JAZF1: variants seen among roughly 807,000 people sequenced by gnomAD.
JAZF1 encodes the protein juxtaposed with another zinc finger protein 1.
In JAZF1, 8 loss-of-function variants were observed where a neutral mutation model predicts 26.4. That is an observed-to-expected ratio of 0.30 (90% CI 0.18 to 0.55). JAZF1 has a LOEUF of 0.55. JAZF1 is among the 20% of genes least tolerant of loss of function. JAZF1 has a pLI of 0.94. For missense variants in JAZF1, 199 were observed against 322.0 expected, an observed-to-expected ratio of 0.62 and a Z score of 2.92; for synonymous variants, 126 against 122.3, an observed-to-expected ratio of 1.03 and a Z score of -0.20.
At chr7:28,140,729 A>G (rs1362759182) in intron 1 of JAZF1, among the ~76,000 whole-genome samples, 6 of 152,250 alleles carry the variant, frequency 3.9e-5, no homozygotes, top group African/African-American at 1.2e-4. Flanking sequence ...TAACCTCACA[A>G]CATTTATGCA....
intron 3 of JAZF1, among the ~76,000 whole-genome samples, chr7:27,880,106 CT>C (rs1783743948): frequency 6.6e-6 from 1 of 152,162 alleles, no homozygotes. Context: ...GTTTACCCTC[CT>C]TGCTTGACAG....
At chr7:27,908,599 T>G (rs1438233283) in intron 2 of JAZF1, among the ~76,000 whole-genome samples, 1 of 152,228 alleles carries the variant, frequency 6.6e-6, no homozygotes, top group African/African-American at 2.4e-5. Flanking sequence ...AGAATGGAGT[T>G]GCTCAGGCTA....
chr7:28,084,229 G>C (rs1784180102), intron 1 of JAZF1, among the ~76,000 whole-genome samples: 1 of 152,172 alleles, frequency 6.6e-6, no homozygotes, highest in Non-Finnish European at 1.5e-5. Flanking sequence ...CAGTATCATT[G>C]TGGGTTTAAC....
intron 1 of JAZF1, among the ~76,000 whole-genome samples, chr7:28,176,399 G>T (rs1434031846): frequency 6.6e-6 from 1 of 152,178 alleles, no homozygotes; most frequent in Non-Finnish European, 1.5e-5. Context: ...ATGTCCTCAT[G>T]ACTAACTCTC....
chr7:28,159,699 G>A (rs900885238), intron 1 of JAZF1, among the ~76,000 whole-genome samples: 10 of 152,114 alleles, frequency 6.6e-5, no homozygotes, highest in Non-Finnish European at 2.9e-5. Context: ...ACTGGGAGAT[G>A]GGGCTTCAGT....
rs575017836 is a variant in JAZF1 at position 28,180,551 on chromosome 7, G to A, written c.27C>T (p.Phe9=). 6.2e-7 allele frequency: 1 copy of A among 1,610,366 alleles called. No homozygotes were observed. The highest frequency in any genetic ancestry group is 2.2e-5 in the East Asian group (1 of 44,622). ...CCCCGAATCGGCAGGTATTGGAGAAGAAGGAGGCGGCGGCGATGCCTGTCA... is the reference window on the plus strand; with the variant it reads ...CCCCGAATCGGCAGGTATTGGAGAAAAAGGAGGCGGCGGCGATGCCTGTCA... MTGIAAAS[F]FSNTCRFGGC... Residue 9 remains phenylalanine (F), a synonymous_variant, in exon 1 of 5, where the codon TTC becomes TTT. Coordinates refer to ENST00000283928, the MANE Select transcript of JAZF1 (RefSeq NM_175061.4).
intron 1 of JAZF1, among the ~76,000 whole-genome samples, chr7:28,000,622 C>CTTT (rs1190147547): frequency 0.046 from 2,847 of 61,844 alleles, 142 homozygotes; most frequent in African/African-American, 0.11. Context: ...TTCTTTCTTT[C>CTTT]TTTTTTTTTT....
chr7:27,870,534 T>C (rs965661467), intron 3 of JAZF1, among the ~76,000 whole-genome samples: 1 of 152,118 alleles, frequency 6.6e-6, no homozygotes, highest in Admixed American at 6.5e-5. Context: ...CACTGTGTCA[T>C]AGAATAATAA....
intron 2 of JAZF1, among the ~76,000 whole-genome samples, chr7:27,921,697 T>C (rs1308041091): frequency 3.9e-5 from 6 of 152,100 alleles, no homozygotes; most frequent in Non-Finnish European, 8.8e-5. Flanking sequence ...ATTCTTAAAA[T>C]AATCCATGAA....
chr7:27,840,562 C>CGCA lies in JAZF1; in HGVS notation c.555+133_555+135dup. ...TGTGTGCACACAGGGGTGAGGCCCA[C>CGCA]GCACTCTAATGCAGGAGAGGGGAGT... On this transcript the variant is annotated intron_variant, in intron 4 of 4. Coordinates refer to ENST00000283928, the MANE Select transcript of JAZF1 (RefSeq NM_175061.4). The surrounding 1 kb of genome is among the most constrained non-coding windows in gnomAD (Gnocchi z 5.1). 1 of 894,064 alleles carries CGCA rather than the reference C, an allele frequency of 1.1e-6. No homozygotes were observed. Among genetic ancestry groups the CGCA allele is most frequent in the South Asian group, 1.6e-5 (1 of 63,774 alleles). 55.4% of individuals were successfully genotyped at this position (894,064 alleles called of 1,614,324 possible).
At chr7:27,838,246 C>T (rs1355669394) in intron 4 of JAZF1, among the ~76,000 whole-genome samples, 1 of 152,064 alleles carries the variant, frequency 6.6e-6, no homozygotes, top group Non-Finnish European at 1.5e-5. Flanking sequence ...TCTGTTGCAA[C>T]TAGAACTTAT....
chr7:27,849,878 A>G (rs1441499242), intron 3 of JAZF1, among the ~76,000 whole-genome samples: 1 of 151,800 alleles, frequency 6.6e-6, no homozygotes, highest in Non-Finnish European at 1.5e-5. Flanking sequence ...GGCCACAAGA[A>G]GATTTCCAAT....
chr7:28,007,505 G>T (rs985486913), intron 1 of JAZF1, among the ~76,000 whole-genome samples: 14 of 151,958 alleles, frequency 9.2e-5, no homozygotes, highest in Non-Finnish European at 1.8e-4. Context: ...GGAGGCGGAG[G>T]TTGCAGTGAG....
At chr7:28,004,894 T>G (rs973240789) in intron 1 of JAZF1, among the ~76,000 whole-genome samples, 5 of 152,082 alleles carry the variant, frequency 3.3e-5, no homozygotes, top group African/African-American at 7.2e-5. Flanking sequence ...TTCAAGTGAT[T>G]TGCCCACCTC....
chr7:27,986,579 C>T (rs1211783954), intron 2 of JAZF1, among the ~76,000 whole-genome samples: 1 of 152,168 alleles, frequency 6.6e-6, no homozygotes, highest in Non-Finnish European at 1.5e-5. Flanking sequence ...CATCAAGCTA[C>T]CAATGACTTT....
chr7:28,142,553 C>G (rs1335420939), intron 1 of JAZF1, among the ~76,000 whole-genome samples: 1 of 152,186 alleles, frequency 6.6e-6, no homozygotes, highest in African/African-American at 2.4e-5. Flanking sequence ...CAAGGCCCTT[C>G]TACCGTGCGC....
At chr7:28,080,594 C>T (rs1469981705) in intron 1 of JAZF1, among the ~76,000 whole-genome samples, 1 of 152,178 alleles carries the variant, frequency 6.6e-6, no homozygotes, top group African/African-American at 2.4e-5. Flanking sequence ...CACTTGAACA[C>T]TTACAGGTCA....
chr7:28,038,783 A>G (rs1230986707), intron 1 of JAZF1, among the ~76,000 whole-genome samples: 1 of 152,194 alleles, frequency 6.6e-6, no homozygotes, highest in Non-Finnish European at 1.5e-5. Context: ...AAACTACAAA[A>G]AAGATACAAA....
intron 2 of JAZF1, among the ~76,000 whole-genome samples, chr7:27,946,892 T>C (rs1309483590): frequency 6.6e-6 from 1 of 152,190 alleles, no homozygotes; most frequent in East Asian, 1.9e-4. Flanking sequence ...TGGTCTTTTA[T>C]TCCACTGAGG....
Sources: allele counts gnomAD v4.1 joint callset (sites outside exome capture counted in the v4.1 genomes callset), GRCh38; gene constraint gnomAD v4.1.1; non-coding constraint Gnocchi (gnomAD v3.1); transcripts MANE v1.5; gene names NCBI Gene and HGNC (gene_info 2026-07-23, HGNC 2026-07-21).